The following ANKRD13C variants were observed in gnomAD, a reference collection of about 807,000 sequenced individuals.
ANKRD13C encodes the protein ankyrin repeat domain 13C, also known as ankyrin repeat domain-containing protein 13C.
In ANKRD13C, 16 loss-of-function variants were observed where a neutral mutation model predicts 65.5. The ratio of observed to expected loss-of-function variants is 0.24; its 90% CI spans 0.17 to 0.37. ANKRD13C has a LOEUF of 0.37. ANKRD13C is among the 10% of genes least tolerant of loss of function. The pLI, the probability that ANKRD13C is intolerant of heterozygous loss-of-function variation, is 1.00. For missense variants in ANKRD13C, 503 were observed against 655.9 expected (o/e 0.77, Z 2.55); for synonymous variants, 235 against 238.7 (o/e 0.98, Z 0.14).
At chr1:70,336,833 C>T (rs1353835700) in intron 1 of ANKRD13C, among the ~76,000 whole-genome samples, 1 of 152,114 alleles carries the variant, frequency 6.6e-6, no homozygotes, top group East Asian at 1.9e-4. Context: ...AAGACAAAGA[C>T]TTGAAAGCTG....
At chr1:70,328,030 G>C (rs1294943313) in intron 2 of ANKRD13C, among the ~76,000 whole-genome samples, 1 of 151,802 alleles carries the variant, frequency 6.6e-6, no homozygotes, top group Non-Finnish European at 1.5e-5. Flanking sequence ...GTACCACTGA[G>C]CGAGACTCCG....
intron 6 of ANKRD13C, among the ~76,000 whole-genome samples, chr1:70,305,151 C>T (rs1312235407): frequency 6.6e-6 from 1 of 152,056 alleles, no homozygotes; most frequent in Non-Finnish European, 1.5e-5. Flanking sequence ...AAATATCTAC[C>T]TTAACCAAAT....
Position 70,324,617 on chromosome 1 carries a change from A to T in ANKRD13C, c.577+236T>A, listed in dbSNP as rs543337156. Among the ~76,000 whole-genome samples, 10 of 152,306 alleles carry T rather than the reference A, an allele frequency of 6.6e-5. No homozygotes were observed. The East Asian group carries it at 1.9e-3, about 29-fold the overall frequency. On this transcript the variant is annotated intron_variant, in intron 3 of 12. Coordinates refer to ENST00000370944, the MANE Select transcript of ANKRD13C (RefSeq NM_030816.5). ...AATAAAAAAAGAATCAGAGAACATC[A>T]GTAAGGTAGAATGCAGCAAAAGAAA...
At chr1:70,266,851 C>A (rs748802989) in intron 12 of ANKRD13C, among the ~76,000 whole-genome samples, 17 of 152,088 alleles carry the variant, frequency 1.1e-4, no homozygotes, top group Non-Finnish European at 2.9e-5. Context: ...TTGTTTATAG[C>A]CAATATGGTC....
intron 1 of ANKRD13C, among the ~76,000 whole-genome samples, chr1:70,346,820 G>A (rs934781500): frequency 1.3e-5 from 2 of 152,032 alleles, no homozygotes; most frequent in Admixed American, 1.3e-4. Flanking sequence ...GGGCGGGCGC[G>A]GTGGCTCACG....
intron 9 of ANKRD13C, among the ~76,000 whole-genome samples, chr1:70,280,563 A>G (rs1021983647): frequency 6.6e-6 from 1 of 152,200 alleles, no homozygotes; most frequent in Non-Finnish European, 1.5e-5. Context: ...TTTGAGCAAT[A>G]CAATATAGTA....
intron 8 of ANKRD13C, among the ~76,000 whole-genome samples, chr1:70,293,909 A>T (rs1008342736): frequency 1.3e-5 from 2 of 152,250 alleles, no homozygotes; most frequent in African/African-American, 4.8e-5. Context: ...CTTGCTACTT[A>T]TAACAGGCAA....
chr1:70,336,014 T>C, intron 2 of ANKRD13C, 44 bp downstream of exon 2: 4 of 611,170 alleles, frequency 6.5e-6, no homozygotes, highest in Non-Finnish European at 7.5e-6. Flanking sequence ...AAACTGACTA[T>C]ATATAAATGA....
intron 6 of ANKRD13C, among the ~76,000 whole-genome samples, chr1:70,302,052 C>G (rs1248359968): frequency 6.6e-6 from 1 of 152,132 alleles, no homozygotes; most frequent in Non-Finnish European, 1.5e-5. Context: ...TCATCACAGA[C>G]AAGGCAAAGT....
At position 70,292,408 on chromosome 1, in the gene ANKRD13C, T is replaced by C. The variant is rs749610388; in HGVS notation, c.1195A>G (p.Ile399Val). The C allele has an allele frequency of 5.0e-6, 8 of 1,586,404 alleles. No individual in the cohort carries two copies. The highest frequency in any genetic ancestry group is 6.8e-6 in the Non-Finnish European group (8 of 1,172,766). ...IMESLSKGGN[I>V]MEQNFEPIRR... ...TATACCTCAAAATTCTGTTCCATTA[T>C]GTTTCCACCTTTACTCAAACTCTCC... The change falls in exon 9 of 13, where the codon ATA (isoleucine) becomes GTA (valine). Residue 399 changes from isoleucine (I) to valine (V), a missense_variant. By Grantham distance (29) the Ile-to-Val change is conservative (BLOSUM62 3). This residue lies in a region of ANKRD13C where 300 missense variants were observed against 478.3 expected (regional missense o/e 0.63). Transcript: ENST00000370944.
intron 9 of ANKRD13C, among the ~76,000 whole-genome samples, chr1:70,282,558 TC>T (rs1232600031): frequency 6.6e-6 from 1 of 152,206 alleles, no homozygotes; most frequent in Non-Finnish European, 1.5e-5. Context: ...CAAACTTACA[TC>T]ATAACCAATA....
In ANKRD13C at chr1:70,336,945, C is replaced by A. The variant is rs368514726; in HGVS notation, c.431-846G>T. 2.6e-5 allele frequency among the ~76,000 whole-genome samples: 4 copies of A among 151,954 alleles called. No homozygotes were observed. The East Asian group carries it at 5.8e-4, about 22-fold the overall frequency. ...CATACTTATGATCTAAATGTTAAAC[C>A]AACAGTAATATTTGAAATTAAAAAG... On this transcript the variant is annotated intron_variant, in intron 1 of 12. Transcript: ENST00000370944.
intron 12 of ANKRD13C, among the ~76,000 whole-genome samples, chr1:70,264,878 G>A (rs1678544799): frequency 6.6e-6 from 1 of 152,288 alleles, no homozygotes; most frequent in Non-Finnish European, 1.5e-5. Context: ...AAACCTCAAT[G>A]AAGGGACTTT....
At chr1:70,270,529 G>A (rs907558117) in intron 12 of ANKRD13C, among the ~76,000 whole-genome samples, 19 of 152,148 alleles carry the variant, frequency 1.2e-4, no homozygotes, top group African/African-American at 4.6e-4. Context: ...GGAGGGCTTT[G>A]GAATGAAACT....
intron 12 of ANKRD13C, 87 bp from the exon 13 acceptor site, chr1:70,262,934 C>A: frequency 5.3e-5 from 35 of 655,942 alleles, no homozygotes; most frequent in Non-Finnish European, 7.1e-5. Context: ...GTCCATACTC[C>A]TTAAAATGTA....
chr1:70,325,746 G>T (rs1269421190), intron 2 of ANKRD13C, among the ~76,000 whole-genome samples: 2 of 152,140 alleles, frequency 1.3e-5, no homozygotes, highest in Non-Finnish European at 2.9e-5. Context: ...AGGCATGGTG[G>T]TACGTGCCTG....
chr1:70,294,159 C>T (rs559602071), intron 8 of ANKRD13C, among the ~76,000 whole-genome samples: 85 of 152,032 alleles, frequency 5.6e-4, no homozygotes, highest in Non-Finnish European at 1.0e-3. Context: ...ACAGTAGATA[C>T]GATATGACAC....
At chr1:70,349,521 C>T (rs974264277) in intron 1 of ANKRD13C, among the ~76,000 whole-genome samples, 4 of 151,760 alleles carry the variant, frequency 2.6e-5, no homozygotes, top group Non-Finnish European at 5.9e-5. Flanking sequence ...AAAATTCCTA[C>T]TCAACCAATA....
rs1678325631 is a variant in ANKRD13C at position 70,259,506 on chromosome 1, G to A, written c.*3211C>T. On this transcript the variant is annotated 3_prime_UTR_variant, in exon 13 of 13. Transcript: ENST00000370944. ...CAAGGTAAGCTCACTCTGTAAGGAT[G>A]GTTTGCATGATGTAAAAAATGTGAT... is the stretch of plus-strand genomic sequence containing the variant. Among the ~76,000 whole-genome samples, 1 of 152,114 alleles carries A rather than the reference G, an allele frequency of 6.6e-6. No individual in the cohort carries two copies. Among genetic ancestry groups the A allele is most frequent in the Non-Finnish European group, 1.5e-5 (1 of 68,020 alleles).
Sources: allele counts gnomAD v4.1 joint callset (sites outside exome capture counted in the v4.1 genomes callset), GRCh38; gene constraint gnomAD v4.1.1; regional missense constraint gnomAD v4.1.1; transcripts MANE v1.5; gene names NCBI Gene and HGNC (gene_info 2026-07-23, HGNC 2026-07-21).